PRKCZ: variants seen among roughly 807,000 people sequenced by gnomAD.
The protein encoded by PRKCZ is protein kinase C zeta type.
Under a neutral mutation model 79.5 loss-of-function variants are expected in PRKCZ, and 33 were observed. That is an observed-to-expected ratio of 0.41 (90% CI 0.31 to 0.55). PRKCZ has a LOEUF of 0.55. Among genes scored for constraint, PRKCZ ranks in the 20% least tolerant of loss-of-function variants. The pLI is 0.19. For missense variants in PRKCZ, 578 were observed against 813.5 expected (o/e 0.71, Z 3.52); for synonymous variants, 342 against 320.9 (o/e 1.07, Z -0.70).
intron 4 of PRKCZ, among the ~76,000 whole-genome samples, chr1:2,133,307 C>T (rs931730898): frequency 1.3e-5 from 2 of 151,144 alleles, no homozygotes; most frequent in Admixed American, 1.3e-4. Context: ...GCTCCGCCCG[C>T]AGCTGCACGT....
Position 2,130,407 on chromosome 1 carries a change from C to T in PRKCZ, c.335-4855C>T, listed in dbSNP as rs145014205. Among the ~76,000 whole-genome samples the T allele has an allele frequency of 8.0e-3, 1,224 of 152,274 alleles. 11 individuals carry two copies. Among genetic ancestry groups the T allele is most frequent in the South Asian group, 0.021 (101 of 4,830 alleles). On this transcript the variant is annotated intron_variant, in intron 4 of 17. Transcript: ENST00000378567. ...GCCAGGGGCTCCTGGCGTGCCTTCC[C>T]GTGGGACTCCGCATGGGGGGCTGGG...
chr1:2,164,120 A>G (rs1012785295), intron 10 of PRKCZ, among the ~76,000 whole-genome samples: 1 of 152,048 alleles, frequency 6.6e-6, no homozygotes, highest in Non-Finnish European at 1.5e-5. Flanking sequence ...CAATTTGCTG[A>G]TATTTTATTT....
Position 2,099,205 on chromosome 1 carries a change from C to G in PRKCZ, c.335-36057C>G, listed in dbSNP as rs184992740. On this transcript the variant is annotated intron_variant, in intron 4 of 17. Coordinates refer to ENST00000378567, the MANE Select transcript of PRKCZ (RefSeq NM_002744.6). ...TCATCCAGGGCCACGGACACCCCCT[C>G]TCACAAGTCGCTGGGATATGAAATT... Among the ~76,000 whole-genome samples the G allele has an allele frequency of 1.8e-3, 272 of 152,320 alleles. 11 individuals carry two copies. Among genetic ancestry groups the G allele is most frequent in the Admixed American group, 0.018 (272 of 15,306 alleles).
At position 2,169,495 on chromosome 1, in the gene PRKCZ, C is replaced by T. The variant is rs1044984431; in HGVS notation, c.975-23C>T. ...CGCCGTCTGCCGAGGTGACTGCAGC[C>T]TCCGGCGCCTCTCTCCCTGCAGGTT... On this transcript the variant is annotated intron_variant, in intron 10 of 17. Transcript: ENST00000378567. The T allele has an allele frequency of 1.2e-5, 18 of 1,547,148 alleles. No individual in the cohort carries two copies. In the East Asian group the frequency reaches 2.2e-4, roughly 19 times the overall value.
chr1:2,092,857 G>T (rs1324369075), intron 4 of PRKCZ, among the ~76,000 whole-genome samples: 1 of 152,196 alleles, frequency 6.6e-6, no homozygotes, highest in Non-Finnish European at 1.5e-5. Flanking sequence ...GAGGGCCTCA[G>T]ATCACCACAC....
intron 4 of PRKCZ, among the ~76,000 whole-genome samples, chr1:2,105,820 A>G (rs964322795): frequency 6.6e-6 from 1 of 152,206 alleles, no homozygotes; most frequent in Admixed American, 6.5e-5. Context: ...TGACCAGGTG[A>G]TGCCGGGAAG....
At chr1:2,053,970 A>G (rs563208347) in intron 1 of PRKCZ, among the ~76,000 whole-genome samples, 3 of 152,006 alleles carry the variant, frequency 2.0e-5, no homozygotes, top group Non-Finnish European at 2.9e-5. Flanking sequence ...AGGGGTGGGT[A>G]GCTGGGGCGT....
chr1:2,181,810 C>T (rs1053172394), intron 16 of PRKCZ: 16 of 455,520 alleles, frequency 3.5e-5, no homozygotes, highest in Non-Finnish European at 6.6e-5. Flanking sequence ...GGAAATGCCC[C>T]TTTTTCACAT....
chr1:2,126,243 CTT>C (rs1434964848), intron 4 of PRKCZ, among the ~76,000 whole-genome samples: 5 of 152,184 alleles, frequency 3.3e-5, no homozygotes, highest in Non-Finnish European at 7.4e-5. Context: ...GTTTTATAGA[CTT>C]TTTAAATTTT....
Position 2,144,214 on chromosome 1 carries a change from C to T in PRKCZ, c.425C>T (p.Ala142Val), listed in dbSNP as rs143527868. Reference protein sequence around the residue: ...LFQAKRFNRRAYCGQCSERIW... With the variant: ...LFQAKRFNRRVYCGQCSERIW... Reference sequence around the variant, plus strand: ...ACGCTCTGTTCCCACCTGCAGAGAGCGTACTGCGGTCAGTGCAGCGAGAGG... The same window carrying T: ...ACGCTCTGTTCCCACCTGCAGAGAGTGTACTGCGGTCAGTGCAGCGAGAGG... The change falls in exon 6 of 18, where the codon GCG becomes GTG. Residue 142 changes from alanine (A) to valine (V), a missense_variant. Around this residue, in one of 4 missense-constraint regions of PRKCZ, gnomAD observed 228 missense variants for 211.6 expected, o/e 1.08. Transcript: ENST00000378567. The T allele has an allele frequency of 2.1e-4, 319 of 1,551,852 alleles. No homozygotes were observed. Among genetic ancestry groups the T allele is most frequent in the Non-Finnish European group, 2.7e-4 (305 of 1,147,038 alleles).
rs771614705 is a variant in PRKCZ, at chr1:2,184,603, C to T, written c.1596C>T (p.Leu532=). Residue 532 remains leucine (L), a synonymous_variant, in exon 17 of 18, where the codon CTC becomes CTT. Coordinates refer to ENST00000378567, the MANE Select transcript of PRKCZ (RefSeq NM_002744.6). ...DWDLLEKKQA[L]PPFQPQITDD... ...CCAAGCTGGAGAAGAAGCAGGCGCT[C>T]CCTCCATTCCAGCCACAGATCACAG... The T allele has an allele frequency of 6.2e-6, 10 of 1,613,784 alleles. No individual in the cohort carries two copies. The South Asian group carries it at 7.7e-5, about 12-fold the overall frequency.
At chr1:2,088,969 G>A (rs753669689) in intron 4 of PRKCZ, among the ~76,000 whole-genome samples, 3 of 152,206 alleles carry the variant, frequency 2.0e-5, no homozygotes, top group Admixed American at 6.5e-5. Flanking sequence ...AGAGCATATC[G>A]TTTTTAATTT....
chr1:2,121,232 G>A (rs1396636577), intron 4 of PRKCZ, among the ~76,000 whole-genome samples: 1 of 152,204 alleles, frequency 6.6e-6, no homozygotes, highest in Non-Finnish European at 1.5e-5. Context: ...GGCGGGGGCA[G>A]TCTTGTCTGA....
In PRKCZ at chr1:2,156,921, CGT is replaced by C. The variant is rs746216713; in HGVS notation, c.974+844_974+845del. ...TGAGAAACAGAACCAGTTGTGTGCA[CGT>C]GTGTGTGTGTGTGTAAAGAGATTTA... On this transcript the variant is annotated intron_variant, in intron 10 of 17. Coordinates refer to ENST00000378567, the MANE Select transcript of PRKCZ (RefSeq NM_002744.6). 6.6e-5 allele frequency among the ~76,000 whole-genome samples: 10 copies of C among 151,580 alleles called. No individual in the cohort carries two copies. The East Asian group carries it at 7.8e-4, about 12-fold the overall frequency.
chr1:2,074,374 C>G, intron 4 of PRKCZ: 1 of 1,486,062 alleles, frequency 6.7e-7, no homozygotes, highest in Non-Finnish European at 9.1e-7. Context: ...GCCTGCCTGG[C>G]CCCAGGGAGT....
chr1:2,133,656 C>A (rs1046030056), intron 4 of PRKCZ: 3 of 153,164 alleles, frequency 2.0e-5, no homozygotes, highest in East Asian at 1.9e-4. Context: ...CTCGGTTCCG[C>A]CCCCGGCTGC....
intron 10 of PRKCZ, among the ~76,000 whole-genome samples, chr1:2,160,265 G>GTGTGTGTT (rs1681969480): frequency 6.6e-6 from 1 of 151,994 alleles, no homozygotes; most frequent in Non-Finnish European, 1.5e-5. Context: ...GTGTGTGTGT[G>GTGTGTGTT]TGTGTGTCAG....
At chr1:2,180,639 C>T (rs1211554178) in intron 16 of PRKCZ, among the ~76,000 whole-genome samples, 4 of 152,042 alleles carry the variant, frequency 2.6e-5, no homozygotes, top group East Asian at 1.9e-4. Context: ...CTCAGATGCA[C>T]GGACACCCAG....
At chr1:2,129,504 G>C (rs370783770) in intron 4 of PRKCZ, among the ~76,000 whole-genome samples, 1 of 152,184 alleles carries the variant, frequency 6.6e-6, no homozygotes, top group African/African-American at 2.4e-5. Flanking sequence ...CTCCAGGACA[G>C]GACCCTGGGG....
Sources: gnomAD v4.1 joint callset for allele counts (sites outside exome capture counted in the v4.1 genomes callset) on GRCh38, gnomAD v4.1.1 for gene constraint, gnomAD v4.1.1 regional missense constraint, MANE v1.5 for transcripts, NCBI Gene and HGNC (gene_info 2026-07-23, HGNC 2026-07-21) for gene names.